Variants in USP9X observed in about 807,000 individuals in gnomAD.
USP9X encodes the protein ubiquitin carboxyl-terminal hydrolase 9X.
A neutral mutation model predicts 190.3 loss-of-function variants in USP9X; 7 were observed. The observed-to-expected ratio is 0.04, with a 90% CI of 0.02 to 0.07. USP9X has a LOEUF of 0.07. Ranked by LOEUF, USP9X falls within the 10% of genes least tolerant of loss-of-function variation. The probability of loss-of-function intolerance (pLI) is 1.00; values close to 1 mark genes in which losing one functional copy is unlikely to be tolerated. For missense variants in USP9X, 1,010 were observed against 1,916.9 expected (o/e 0.53, Z 8.83); for synonymous variants, 645 against 659.5 (o/e 0.98, Z 0.34).
intron 41 of USP9X, among the ~76,000 whole-genome samples, chrX:41,226,401 C>T (rs1466652821): frequency 9.0e-6 from 1 of 111,700 alleles, no homozygotes; most frequent in Non-Finnish European, 1.9e-5. Context: ...GGTTTTAGAA[C>T]TTCCCTTCCC....
At chrX:41,181,983 G>A (rs968650121) in intron 21 of USP9X, among the ~76,000 whole-genome samples, 39 of 111,636 alleles carry the variant, frequency 3.5e-4, no homozygotes, top group Admixed American at 1.2e-3. Flanking sequence ...GATATAATCA[G>A]GGATGAATAT....
At chrX:41,160,973 T>C (rs1185728246) in intron 14 of USP9X, among the ~76,000 whole-genome samples, 1 of 111,075 alleles carries the variant, frequency 9.0e-6, no homozygotes, top group Non-Finnish European at 1.9e-5. Context: ...TGTCTGGAGC[T>C]GTCTTAAACT....
chrX:41,184,429 A>G lies in USP9X; in HGVS notation c.3312A>G (p.Ala1104=). 1.7e-6 allele frequency: 2 copies of G among 1,210,825 alleles called. No individual in the cohort carries two copies. The highest frequency in any genetic ancestry group is 2.2e-6 in the Non-Finnish European group (2 of 895,312). The part of the protein sequence containing the change: ...VVYALLMPAG[A]PLADDSSDFQ... ...ATGCCTTGTTAATGCCTGCTGGTGC[A>G]CCTCTGGCTGATGATTCCTCTGATT... is the stretch of plus-strand genomic sequence containing the variant. The change falls in exon 23 of 45, where the codon GCA becomes GCG. Residue 1104 remains alanine, a synonymous_variant. Coordinates refer to ENST00000378308, the MANE Select transcript of USP9X (RefSeq NM_001039591.3).
chrX:41,123,547 C>CA lies in USP9X; in HGVS notation c.-82_-81insA. ...AGACTGACAAATGCTGGTACTTCAT[C>CA]TTCTATAAGTGGACTATAATTTCTT... On this transcript the variant is annotated 5_prime_UTR_variant, in exon 2 of 45. An upstream open reading frame in the 5' UTR loses its in-frame stop. Transcript: ENST00000378308. The CA allele has an allele frequency of 1.2e-6, 1 of 832,802 alleles. No homozygotes were observed. Among genetic ancestry groups the CA allele is most frequent in the East Asian group, 3.4e-5 (1 of 29,519 alleles). 68.6% of individuals were successfully genotyped at this position (832,802 alleles called of 1,213,427 possible). A position where few individuals can be genotyped will look rare whatever the true frequency, so the allele number is the denominator to read the frequency against.
chrX:41,134,482 A>G (rs1467643087), intron 4 of USP9X, among the ~76,000 whole-genome samples: 1 of 112,595 alleles, frequency 8.9e-6, no homozygotes, highest in African/African-American at 3.2e-5. Flanking sequence ...GCAAAATACT[A>G]TTTAAATTTG....
At chrX:41,181,952 A>AT (rs1167933569) in intron 21 of USP9X, among the ~76,000 whole-genome samples, 1 of 111,789 alleles carries the variant, frequency 8.9e-6, no homozygotes, top group Non-Finnish European at 1.9e-5. Flanking sequence ...TCTGGCTTCC[A>AT]TTTTTTATAA....
At chrX:41,172,848 G>A (rs762712193) in intron 21 of USP9X, among the ~76,000 whole-genome samples, 1 of 111,597 alleles carries the variant, frequency 9.0e-6, no homozygotes, top group East Asian at 2.8e-4. Flanking sequence ...TGGTGGCATT[G>A]CTGATGAGAA....
intron 20 of USP9X, chrX:41,171,627 CA>C (rs1448182020): frequency 6.5e-6 from 3 of 461,966 alleles, no homozygotes; most frequent in African/African-American, 2.4e-5. Context: ...GGAGCTATCA[CA>C]AAAAAATGAC....
At chrX:41,197,616 T>C in intron 29 of USP9X, 106 bp downstream of exon 29, 1 of 710,092 alleles carries the variant, frequency 1.4e-6, no homozygotes, top group South Asian at 5.1e-5. Flanking sequence ...ACTTTCTTGA[T>C]CTTTTCTCTT....
At chrX:41,186,000 A>G (rs894778274) in intron 23 of USP9X, among the ~76,000 whole-genome samples, 1 of 111,711 alleles carries the variant, frequency 9.0e-6, no homozygotes, top group Admixed American at 9.5e-5. Flanking sequence ...GCTAACAACT[A>G]CGTAATGAAA....
intron 6 of USP9X, among the ~76,000 whole-genome samples, chrX:41,139,854 A>C (rs1249084739): frequency 8.9e-6 from 1 of 111,900 alleles, no homozygotes; most frequent in Admixed American, 9.5e-5. Flanking sequence ...GGCTTCTAAA[A>C]CATGGCCTAA....
intron 1 of USP9X, among the ~76,000 whole-genome samples, chrX:41,093,568 C>T (rs892928931): frequency 9.9e-5 from 11 of 111,241 alleles, no homozygotes; most frequent in South Asian, 7.6e-4. Context: ...GTCTTGAACT[C>T]CCGACCTCAG....
intron 1 of USP9X, among the ~76,000 whole-genome samples, chrX:41,088,427 T>C: frequency 8.9e-6 from 1 of 112,621 alleles, no homozygotes; most frequent in Non-Finnish European, 1.9e-5. Flanking sequence ...ATGAATTTGC[T>C]AATCATCCAG....
intron 37 of USP9X, among the ~76,000 whole-genome samples, chrX:41,218,897 T>A (rs971023849): frequency 2.7e-5 from 3 of 112,535 alleles, no homozygotes; most frequent in East Asian, 2.8e-4. Flanking sequence ...TAGATTTTTT[T>A]AAAAAATTAC....
chrX:41,196,272 G>A lies in USP9X; in HGVS notation c.3999G>A (p.Gln1333=), dbSNP rs1361747284. 8.3e-7 allele frequency: 1 copy of A among 1,210,214 alleles called. No homozygotes were observed. The highest frequency in any genetic ancestry group is 1.1e-6 in the Non-Finnish European group (1 of 895,289). Residue 1333 remains glutamine (Q), a synonymous_variant, in exon 27 of 45, where the codon CAG becomes CAA. Transcript: ENST00000378308. ...TCAGAACTGTTCGTCAGGTGGCACA[G>A]GAGCAGTTCTTTTTAATGTGCACCA... The part of the protein sequence containing the change: ...CHSKTVRQVA[Q]EQFFLMCTRC...
chrX:41,230,030 A>T, intron 43 of USP9X: 1 of 406,064 alleles, frequency 2.5e-6, no homozygotes, highest in Non-Finnish European at 4.0e-6. Flanking sequence ...GTGAAATCCC[A>T]TCTCCACTAA....
intron 24 of USP9X, 98 bp downstream of exon 24, chrX:41,186,740 G>A: frequency 1.1e-6 from 1 of 944,292 alleles, no homozygotes; most frequent in Non-Finnish European, 1.5e-6. Flanking sequence ...CTTAATATCA[G>A]TTTTGTCTAC....
At chrX:41,161,756 T>C (rs1438636083) in intron 14 of USP9X, among the ~76,000 whole-genome samples, 1 of 94,721 alleles carries the variant, frequency 1.1e-5, no homozygotes, top group African/African-American at 3.9e-5. Flanking sequence ...ATCCTCTCAC[T>C]TTTTTTTTTT....
chrX:41,235,316 A>G lies in USP9X; in HGVS notation c.*2792A>G, dbSNP rs1389466645. 8.8e-6 allele frequency: 1 copy of G among 113,152 alleles called. No homozygotes were observed. The highest frequency in any genetic ancestry group is 1.9e-5 in the Non-Finnish European group (1 of 53,382). 9.3% of individuals were successfully genotyped at this position (113,152 alleles called of 1,213,427 possible). A position where few individuals can be genotyped will look rare whatever the true frequency, so the allele number is the denominator to read the frequency against. ...TGCATGTTGTTGCAAGAGCAACATA[A>G]TGGTGATTTTGAGGTCTTTTTCTGA... On this transcript the variant is annotated 3_prime_UTR_variant, in exon 45 of 45. Coordinates refer to ENST00000378308, the MANE Select transcript of USP9X (RefSeq NM_001039591.3).
Sources: allele counts gnomAD v4.1 joint callset (sites outside exome capture counted in the v4.1 genomes callset), GRCh38; gene constraint gnomAD v4.1.1; transcripts MANE v1.5; gene names NCBI Gene and HGNC (gene_info 2026-07-23, HGNC 2026-07-21).